C8orf34: variants seen among roughly 807,000 people sequenced by gnomAD.
The protein encoded by C8orf34 is chromosome 8 open reading frame 34.
C8orf34 carries 65 observed loss-of-function variants against 68.3 expected under a neutral mutation model. The ratio of observed to expected loss-of-function variants is 0.95; its 90% confidence interval spans 0.78 to 1.17. The LOEUF (loss-of-function observed/expected upper bound fraction) is 1.17. C8orf34 is among the 50% of genes most tolerant of loss of function. The pLI is 0.00. For synonymous variants in C8orf34, 244 were observed against 241.2 expected, an observed-to-expected ratio of 1.01 and a Z score of -0.11; for missense variants, 664 against 655.4, an observed-to-expected ratio of 1.01 and a Z score of -0.14.
chr8:68,419,055 T>C (rs1355641804), intron 1 of C8orf34, among the ~76,000 whole-genome samples: 4 of 151,042 alleles, frequency 2.6e-5, no homozygotes, highest in South Asian at 2.1e-4. Context: ...ACCTACAAAA[T>C]GGGAGAAAAT....
At chr8:68,631,056 G>C (rs1221325729) in intron 7 of C8orf34, among the ~76,000 whole-genome samples, 1 of 151,220 alleles carries the variant, frequency 6.6e-6, no homozygotes, top group African/African-American at 2.4e-5. Flanking sequence ...CTTGAGGTCA[G>C]GAGTTGGAGA....
At chr8:68,353,291 C>T (rs1244388972) in intron 1 of C8orf34, among the ~76,000 whole-genome samples, 1 of 151,716 alleles carries the variant, frequency 6.6e-6, no homozygotes, top group Non-Finnish European at 1.5e-5. Flanking sequence ...AAGGGATGCC[C>T]ACATATATAA....
chr8:68,375,010 T>C (rs1807731651), intron 1 of C8orf34, among the ~76,000 whole-genome samples: 1 of 152,182 alleles, frequency 6.6e-6, no homozygotes, highest in Non-Finnish European at 1.5e-5. Flanking sequence ...TACTTCTTTC[T>C]TCATGTAGGA....
intron 12 of C8orf34, among the ~76,000 whole-genome samples, chr8:68,794,482 A>ATAT (rs1824110275): frequency 2.2e-5 from 2 of 89,348 alleles, no homozygotes; most frequent in Admixed American, 1.1e-4. Context: ...TATAAATATA[A>ATAT]ATATATATAT....
At chr8:68,807,673 C>G (rs1824526019) in intron 12 of C8orf34, among the ~76,000 whole-genome samples, 1 of 151,982 alleles carries the variant, frequency 6.6e-6, no homozygotes, top group Admixed American at 6.6e-5. Flanking sequence ...TGTGTGTCTG[C>G]TTATTTTTGA....
intron 11 of C8orf34, among the ~76,000 whole-genome samples, chr8:68,782,187 A>G (rs566534636): frequency 1.3e-5 from 2 of 152,272 alleles, no homozygotes; most frequent in Non-Finnish European, 2.9e-5. Flanking sequence ...TTCTTTGAAC[A>G]TCAGAGACTA....
intron 1 of C8orf34, among the ~76,000 whole-genome samples, chr8:68,379,092 T>C (rs976600834): frequency 9.2e-5 from 14 of 152,226 alleles, no homozygotes; most frequent in African/African-American, 3.1e-4. Context: ...GTGAACAAAA[T>C]GAACATTTAC....
chr8:68,787,990 GA>G (rs1219188301), intron 12 of C8orf34, among the ~76,000 whole-genome samples: 1 of 152,140 alleles, frequency 6.6e-6, no homozygotes, highest in Non-Finnish European at 1.5e-5. Context: ...TAAGATAACT[GA>G]AAACAAGTAG....
intron 7 of C8orf34, among the ~76,000 whole-genome samples, chr8:68,605,266 C>A (rs141174939): frequency 6.6e-6 from 1 of 152,052 alleles, no homozygotes; most frequent in African/African-American, 2.4e-5. Flanking sequence ...GGTAGGAATG[C>A]GAAATAGTAC....
chr8:68,616,945 G>C (rs942842083), intron 7 of C8orf34, among the ~76,000 whole-genome samples: 1 of 152,158 alleles, frequency 6.6e-6, no homozygotes, highest in African/African-American at 2.4e-5. Context: ...AGGTCACTCA[G>C]GACTTGCTTT....
At chr8:68,779,106 GTT>G (rs1823601166) in intron 11 of C8orf34, among the ~76,000 whole-genome samples, 1 of 151,866 alleles carries the variant, frequency 6.6e-6, no homozygotes, top group Non-Finnish European at 1.5e-5. Flanking sequence ...GAGCCCAGGA[GTT>G]TGAGTCTGCA....
chr8:68,749,176 G>T (rs1172973214), intron 10 of C8orf34, among the ~76,000 whole-genome samples: 1 of 149,648 alleles, frequency 6.7e-6, no homozygotes, highest in Admixed American at 6.7e-5. Flanking sequence ...TCATAGGTGG[G>T]AATTGAACAA....
chr8:68,434,273 A>G (rs1258817732), intron 1 of C8orf34, among the ~76,000 whole-genome samples: 1 of 152,060 alleles, frequency 6.6e-6, no homozygotes, highest in Non-Finnish European at 1.5e-5. Flanking sequence ...TACATTAGGT[A>G]TTTGTCCTAA....
At chr8:68,494,354 T>A (rs1296587678) in intron 5 of C8orf34, among the ~76,000 whole-genome samples, 1 of 152,128 alleles carries the variant, frequency 6.6e-6, no homozygotes, top group African/African-American at 2.4e-5. Context: ...TAACAGTGGT[T>A]GTCATGAGCT....
At chr8:68,739,780 C>T (rs981152806) in intron 10 of C8orf34, among the ~76,000 whole-genome samples, 2 of 152,066 alleles carry the variant, frequency 1.3e-5, no homozygotes, top group Non-Finnish European at 2.9e-5. Flanking sequence ...CCCAAATACC[C>T]AAGGCAATCC....
chr8:68,728,179 C>T (rs1474738315), intron 10 of C8orf34, among the ~76,000 whole-genome samples: 1 of 152,160 alleles, frequency 6.6e-6, no homozygotes, highest in Non-Finnish European at 1.5e-5. Flanking sequence ...CAAAGTACCA[C>T]AAATCTCTAG....
chr8:68,618,582 CA>C (rs1434349666), intron 7 of C8orf34, among the ~76,000 whole-genome samples: 54 of 79,576 alleles, frequency 6.8e-4, no homozygotes, highest in Admixed American at 1.4e-3. Flanking sequence ...CTCCTGGGCT[CA>C]AGTGAAACTC....
intron 7 of C8orf34, among the ~76,000 whole-genome samples, chr8:68,584,898 C>T (rs1190930247): frequency 1.3e-5 from 2 of 152,104 alleles, no homozygotes; most frequent in African/African-American, 4.8e-5. Context: ...CCCTCTGGCT[C>T]CACAGCCTAT....
At chr8:68,614,464 G>A (rs952566735) in intron 7 of C8orf34, among the ~76,000 whole-genome samples, 1 of 152,068 alleles carries the variant, frequency 6.6e-6, no homozygotes, top group Non-Finnish European at 1.5e-5. Context: ...ATTAATTTTT[G>A]TATAAGGTAT....
Sources: gnomAD v4.1 joint callset for allele counts (sites outside exome capture counted in the v4.1 genomes callset) on GRCh38, gnomAD v4.1.1 for gene constraint, MANE v1.5 for transcripts, NCBI Gene and HGNC (gene_info 2026-07-23, HGNC 2026-07-21) for gene names.